ZRANB3: variants seen among roughly 807,000 people sequenced by gnomAD.
The protein encoded by ZRANB3 is zinc finger RANBP2-type containing 3, also known as DNA annealing helicase and endonuclease ZRANB3.
Under a neutral mutation model 133.8 loss-of-function variants are expected in ZRANB3, and 125 were observed. That is an observed-to-expected ratio of 0.93 (90% CI 0.81 to 1.08). The LOEUF is 1.08. ZRANB3 is among the 50% of genes least tolerant of loss of function. The pLI is 0.00. For missense variants in ZRANB3, 1,229 were observed against 1,275.5 expected (o/e 0.96, Z 0.56); for synonymous variants, 387 against 432.7 (o/e 0.89, Z 1.31).
intron 20 of ZRANB3, among the ~76,000 whole-genome samples, chr2:135,201,693 T>C (rs1176937749): frequency 6.7e-6 from 1 of 148,508 alleles, no homozygotes; most frequent in Non-Finnish European, 1.5e-5. Context: ...TAGTAAAGAG[T>C]TCATACTTTA....
rs1444857912 is a variant in ZRANB3 at position 135,316,951 on chromosome 2, C to T, written c.678-1421G>A. On this transcript the variant is annotated intron_variant, in intron 6 of 20. Transcript: ENST00000264159. ...ACTGCACTCCAGCCTGGTGACAGAG[C>T]GAGATTCCGTCTCGAGAAAAAAAAA... Among the ~76,000 whole-genome samples the T allele has an allele frequency of 2.4e-5, 3 of 126,574 alleles. No homozygotes were observed. The Admixed American group carries it at 3.0e-4, about 13-fold the overall frequency. The allele number at this position is 126,574 out of a possible 152,430, so 83.0% of individuals were successfully genotyped here. A position where few individuals can be genotyped will look rare whatever the true frequency, so the allele number is the denominator to read the frequency against.
intron 3 of ZRANB3, among the ~76,000 whole-genome samples, chr2:135,390,378 G>A (rs6430572): frequency 0.27 from 40,677 of 151,992 alleles, 9,130 homozygotes; most frequent in African/African-American, 0.6. Context: ...AAATCTATCA[G>A]ATTGTTGAGT....
At chr2:135,491,381 A>G (rs1252412457) in intron 2 of ZRANB3, among the ~76,000 whole-genome samples, 2 of 152,196 alleles carry the variant, frequency 1.3e-5, no homozygotes, top group African/African-American at 2.4e-5. Flanking sequence ...GTCTTGCTCT[A>G]TCACCCAGGC....
At chr2:135,309,147 A>G (rs1382974584) in intron 8 of ZRANB3, among the ~76,000 whole-genome samples, 3 of 151,780 alleles carry the variant, frequency 2.0e-5, no homozygotes, top group Non-Finnish European at 4.4e-5. Flanking sequence ...TGCCTGGCTA[A>G]TTTTTTGTAT....
chr2:135,352,177 A>G (rs954373512), intron 4 of ZRANB3, among the ~76,000 whole-genome samples: 2 of 151,624 alleles, frequency 1.3e-5, no homozygotes, highest in African/African-American at 4.8e-5. Context: ...GCTAAAAATA[A>G]AAAAAGTCAG....
intron 8 of ZRANB3, among the ~76,000 whole-genome samples, chr2:135,294,750 C>T (rs1345530600): frequency 6.6e-6 from 1 of 151,972 alleles, no homozygotes; most frequent in Non-Finnish European, 1.5e-5. Flanking sequence ...ATAAATTTCC[C>T]TCTACACACT....
At chr2:135,273,659 C>T (rs1680647426) in intron 9 of ZRANB3, among the ~76,000 whole-genome samples, 1 of 152,138 alleles carries the variant, frequency 6.6e-6, no homozygotes, top group Admixed American at 6.5e-5. Context: ...CTGCCCCAGC[C>T]TCCCGAGTAG....
intron 5 of ZRANB3, among the ~76,000 whole-genome samples, chr2:135,345,913 A>G (rs188848073): frequency 9.2e-5 from 14 of 152,316 alleles, no homozygotes; most frequent in African/African-American, 3.4e-4. Flanking sequence ...TTTGTCCCAT[A>G]AAACATGTCT....
chr2:135,291,588 A>AT, intron 8 of ZRANB3, among the ~76,000 whole-genome samples: 1 of 150,888 alleles, frequency 6.6e-6, no homozygotes, highest in Non-Finnish European at 1.5e-5. Context: ...ATTTTATTTT[A>AT]TTTTTTTAAT....
At chr2:135,202,990 T>C (rs756811223) in intron 19 of ZRANB3, 27 bp from the exon 20 acceptor site, 1 of 1,605,634 alleles carries the variant, frequency 6.2e-7, no homozygotes, top group Non-Finnish European at 8.5e-7. Context: ...AGATCAGCAA[T>C]TTTCAACATA....
At chr2:135,372,223 C>A (rs1025261779) in intron 3 of ZRANB3, among the ~76,000 whole-genome samples, 2 of 151,878 alleles carry the variant, frequency 1.3e-5, no homozygotes, top group African/African-American at 2.4e-5. Flanking sequence ...GCAATCTCAC[C>A]CCTTCTGCCA....
intron 8 of ZRANB3, among the ~76,000 whole-genome samples, chr2:135,288,299 G>A (rs1482251595): frequency 6.6e-6 from 1 of 152,096 alleles, no homozygotes; most frequent in African/African-American, 2.4e-5. Context: ...GATCATGGTG[G>A]ATTATCTTTT....
At chr2:135,340,855 C>CA (rs1224706085) in intron 6 of ZRANB3, among the ~76,000 whole-genome samples, 2 of 143,528 alleles carry the variant, frequency 1.4e-5, no homozygotes, top group Admixed American at 1.3e-4. Flanking sequence ...GATTCCGTCT[C>CA]AAAAAAAACA....
At chr2:135,420,031 T>G (rs1323660283) in intron 2 of ZRANB3, among the ~76,000 whole-genome samples, 1 of 148,436 alleles carries the variant, frequency 6.7e-6, no homozygotes, top group Non-Finnish European at 1.5e-5. Context: ...ACTCTCCATA[T>G]ATATGTACCT....
intron 3 of ZRANB3, among the ~76,000 whole-genome samples, chr2:135,370,062 G>A (rs567188059): frequency 2.1e-5 from 3 of 142,848 alleles, no homozygotes; most frequent in South Asian, 2.2e-4. Flanking sequence ...TAATATCCTC[G>A]AAGATCTTTA....
chr2:135,359,918 C>G (rs527382407), intron 3 of ZRANB3, among the ~76,000 whole-genome samples: 2 of 152,076 alleles, frequency 1.3e-5, no homozygotes, highest in East Asian at 3.9e-4. Context: ...ATTTTTGGGA[C>G]ATGGTGAGGT....
intron 2 of ZRANB3, among the ~76,000 whole-genome samples, chr2:135,416,341 G>A (rs1434909603): frequency 1.3e-5 from 2 of 152,112 alleles, no homozygotes; most frequent in African/African-American, 2.4e-5. Context: ...CAAATCATGA[G>A]TGAACTCCCA....
chr2:135,475,288 A>G (rs1691456455), intron 2 of ZRANB3, among the ~76,000 whole-genome samples: 1 of 152,134 alleles, frequency 6.6e-6, no homozygotes, highest in South Asian at 2.1e-4. Context: ...TTGGGGTCCC[A>G]TTTATGTCTT....
At chr2:135,479,907 G>GT (rs1450941418) in intron 2 of ZRANB3, among the ~76,000 whole-genome samples, 1 of 151,390 alleles carries the variant, frequency 6.6e-6, no homozygotes, top group Non-Finnish European at 1.5e-5. Context: ...ATCTCTTTTG[G>GT]TTTTTTATAC....
Sources: gnomAD v4.1 joint callset for allele counts (sites outside exome capture counted in the v4.1 genomes callset) on GRCh38, gnomAD v4.1.1 for gene constraint, MANE v1.5 for transcripts, NCBI Gene and HGNC (gene_info 2026-07-23, HGNC 2026-07-21) for gene names.